The following INTS4 variants were observed in gnomAD, a reference collection of about 807,000 sequenced individuals.
INTS4 encodes the protein MSTP093.
In INTS4, 70 loss-of-function variants were observed where a neutral mutation model predicts 119.5. The ratio of observed to expected loss-of-function variants is 0.59; its 90% confidence interval spans 0.48 to 0.71. The LOEUF (loss-of-function observed/expected upper bound fraction) is 0.71, where lower values mean the gene tolerates loss of function less well. INTS4 is among the 30% of genes least tolerant of loss of function. INTS4 has a pLI of 0.00. For missense variants in INTS4, 867 were observed against 1,173.2 expected (o/e 0.74, Z 3.81); for synonymous variants, 316 against 419.6 (o/e 0.75, Z 3.02).
Position 77,917,356 on chromosome 11 carries a change from C to T in INTS4, c.1922+1465G>A, listed in dbSNP as rs566197071. ...TGAGATGGAGTCTCACTCTGTTGCCCAGACTGGAGTGCAGTGGCGCAATCC... is the reference window on the plus strand; with the variant it reads ...TGAGATGGAGTCTCACTCTGTTGCCTAGACTGGAGTGCAGTGGCGCAATCC... On this transcript the variant is annotated intron_variant, in intron 15 of 22. Transcript: ENST00000534064. 4.0e-5 allele frequency among the ~76,000 whole-genome samples: 6 copies of T among 151,634 alleles called. No homozygotes were observed. In the East Asian group the frequency reaches 1.2e-3, roughly 29 times the overall value.
chr11:77,929,967 C>A (rs1393779745), intron 10 of INTS4, among the ~76,000 whole-genome samples: 1 of 152,102 alleles, frequency 6.6e-6, no homozygotes, highest in Non-Finnish European at 1.5e-5. Context: ...GTTTTCCACC[C>A]CTTGGCATGC....
Position 77,961,056 on chromosome 11 carries a change from G to A in INTS4, c.554C>T (p.Thr185Ile). The change falls in exon 5 of 23, where the codon ACA (threonine) becomes ATA (isoleucine). Residue 185 changes from threonine to isoleucine, a missense_variant. Thr to Ile is a moderately conservative substitution (Grantham distance 89). Around this residue, in one of 5 missense-constraint regions of INTS4, gnomAD observed 224 missense variants for 231.8 expected, o/e 0.97. Transcript: ENST00000534064. ...GNLGSLEKSVTKDAEGLAARD... is the reference protein window; with the variant it reads ...GNLGSLEKSVIKDAEGLAARD... ...GGCAGCTAGGCCTTCTGCATCTTTTGTGACACTTTTCTCCAAAGAGCCAAG... is the reference window on the plus strand; with the variant it reads ...GGCAGCTAGGCCTTCTGCATCTTTTATGACACTTTTCTCCAAAGAGCCAAG... The A allele has an allele frequency of 2.5e-6, 4 of 1,609,536 alleles. No homozygotes were observed. The highest frequency in any genetic ancestry group is 3.4e-6 in the Non-Finnish European group (4 of 1,179,142).
chr11:77,885,977 G>A (rs1329125447), intron 21 of INTS4, among the ~76,000 whole-genome samples: 1 of 152,138 alleles, frequency 6.6e-6, no homozygotes, highest in Non-Finnish European at 1.5e-5. Flanking sequence ...GAGGCGGGAG[G>A]ATTGCTTGAA....
At chr11:77,932,359 C>T (rs1158942950) in intron 10 of INTS4, among the ~76,000 whole-genome samples, 1 of 152,148 alleles carries the variant, frequency 6.6e-6, no homozygotes, top group African/African-American at 2.4e-5. Context: ...TTAAAAAAAG[C>T]TCATCATCAC....
chr11:77,986,983 T>C (rs1273152734), intron 2 of INTS4: 1 of 151,992 alleles, frequency 6.6e-6, no homozygotes, highest in Non-Finnish European at 1.5e-5. Flanking sequence ...ACCTAAAGTA[T>C]AATAATAAAA....
At chr11:77,909,233 A>G (rs1953033498) in intron 15 of INTS4, among the ~76,000 whole-genome samples, 2 of 152,406 alleles carry the variant, frequency 1.3e-5, no homozygotes, top group Middle Eastern at 3.4e-3. Flanking sequence ...TAGGTCCTCA[A>G]TGATATAAAT....
intron 18 of INTS4, among the ~76,000 whole-genome samples, chr11:77,896,742 A>G (rs562170515): frequency 6.6e-6 from 1 of 151,956 alleles, no homozygotes; most frequent in Non-Finnish European, 1.5e-5. Context: ...GGAAAAATAG[A>G]TCCAGAAAAT....
At chr11:77,895,941 A>G (rs1468715326) in intron 18 of INTS4, among the ~76,000 whole-genome samples, 1 of 152,228 alleles carries the variant, frequency 6.6e-6, no homozygotes, top group Non-Finnish European at 1.5e-5. Context: ...AACAATCATT[A>G]AAGAATACAA....
chr11:77,987,494 T>C (rs1856499832), intron 2 of INTS4: 2 of 325,330 alleles, frequency 6.1e-6, no homozygotes, highest in African/African-American at 2.2e-5. Context: ...TTTAATATAA[T>C]AATAATGGTA....
rs1954338928 is a variant in INTS4, at chr11:77,956,776, A to G, written c.798-714T>C. On this transcript the variant is annotated intron_variant, in intron 7 of 22. Coordinates refer to ENST00000534064, the MANE Select transcript of INTS4 (RefSeq NM_033547.4). The stretch of plus-strand genomic sequence containing the variant: ...ATAATAATAAACAAATAAATACATA[A>G]GTAAGTAAGGCTGCAGGCTCAATAA... 6.0e-5 allele frequency among the ~76,000 whole-genome samples: 9 copies of G among 149,296 alleles called. No individual in the cohort carries two copies. In the South Asian group the frequency reaches 1.9e-3, roughly 32 times the overall value.
At chr11:77,906,193 C>A (rs1012388436) in intron 16 of INTS4, among the ~76,000 whole-genome samples, 2 of 152,102 alleles carry the variant, frequency 1.3e-5, no homozygotes, top group Non-Finnish European at 2.9e-5. Context: ...ATGATTGGCT[C>A]CCCTTCTTTT....
chr11:77,950,943 A>G (rs548552845), intron 8 of INTS4, among the ~76,000 whole-genome samples: 2 of 139,148 alleles, frequency 1.4e-5, no homozygotes, highest in African/African-American at 5.4e-5. Context: ...TCATTGTTCA[A>G]TTCCCACCTA....
intron 15 of INTS4, among the ~76,000 whole-genome samples, chr11:77,914,204 C>T (rs1339323933): frequency 6.6e-6 from 1 of 152,230 alleles, no homozygotes; most frequent in Non-Finnish European, 1.5e-5. Context: ...CACAGAGCCC[C>T]AAACTTAGGA....
chr11:77,989,793 G>A (rs1856593548), intron 2 of INTS4, among the ~76,000 whole-genome samples: 1 of 151,944 alleles, frequency 6.6e-6, no homozygotes, highest in Non-Finnish European at 1.5e-5. Context: ...CAGCTACTCA[G>A]AAGGCTGAGG....
At chr11:77,960,022 C>G (rs1198734166) in intron 6 of INTS4, among the ~76,000 whole-genome samples, 1 of 152,008 alleles carries the variant, frequency 6.6e-6, no homozygotes, top group South Asian at 2.1e-4. Context: ...CATGTACGGC[C>G]CAACCAAACA....
intron 4 of INTS4, among the ~76,000 whole-genome samples, chr11:77,971,055 G>A (rs1017689058): frequency 6.6e-6 from 1 of 151,992 alleles, no homozygotes; most frequent in Non-Finnish European, 1.5e-5. Context: ...TGATCCACCC[G>A]CCTTGGCCTC....
Position 77,907,827 on chromosome 11 carries a change from C to A in INTS4, c.1923-17G>T, listed in dbSNP as rs763036024. The A allele has an allele frequency of 6.5e-7, 1 of 1,538,836 alleles. No individual in the cohort carries two copies. Among genetic ancestry groups the A allele is most frequent in the Non-Finnish European group, 9.0e-7 (1 of 1,114,394 alleles). On this transcript the variant is annotated splice_polypyrimidine_tract_variant and intron_variant, in intron 15 of 22. Coordinates refer to ENST00000534064, the MANE Select transcript of INTS4 (RefSeq NM_033547.4). Reference sequence around the variant, plus strand: ...TGCAGATCCCTATAGTAAATAAAACCCCCAAGGCAAACACAGGATAAGGAT... The same window carrying A: ...TGCAGATCCCTATAGTAAATAAAACACCCAAGGCAAACACAGGATAAGGAT...
chr11:77,876,881 A>G, downstream of INTS4: 6 of 673,472 alleles, frequency 8.9e-6, no homozygotes, highest in South Asian at 9.5e-5. Context: ...TTCTTCCCTT[A>G]GAAGGTTTTC....
intron 18 of INTS4, chr11:77,900,583 G>A (rs1591032308): frequency 4.3e-6 from 3 of 694,568 alleles, no homozygotes; most frequent in Non-Finnish European, 7.8e-6. Context: ...GCTGGACTGA[G>A]CATCAAACAT....
Sources: gnomAD v4.1 joint callset for allele counts (sites outside exome capture counted in the v4.1 genomes callset) on GRCh38, gnomAD v4.1.1 for gene constraint, gnomAD v4.1.1 regional missense constraint, MANE v1.5 for transcripts, NCBI Gene and HGNC (gene_info 2026-07-23, HGNC 2026-07-21) for gene names.